The following LNPEP variants were observed in gnomAD, a reference collection of about 807,000 sequenced individuals.
LNPEP encodes the protein leucyl and cystinyl aminopeptidase, also known as leucyl-cystinyl aminopeptidase.
In LNPEP, 64 loss-of-function variants were observed where a neutral mutation model predicts 120.6. The observed-to-expected ratio is 0.53, with a 90% CI of 0.43 to 0.65. LNPEP has a LOEUF of 0.65. Ranked by LOEUF, LNPEP falls within the 30% of genes least tolerant of loss-of-function variation. The pLI, the probability that LNPEP is intolerant of heterozygous loss-of-function variation, is 0.00. For missense variants in LNPEP, 1,057 were observed against 1,200.0 expected, an observed-to-expected ratio of 0.88 and a Z score of 1.76; for synonymous variants, 435 against 425.4, an observed-to-expected ratio of 1.02 and a Z score of -0.28.
chr5:96,979,497 G>A lies in LNPEP; in HGVS notation c.379G>A (p.Val127Met). 6.2e-7 allele frequency: 1 copy of A among 1,614,068 alleles called. No homozygotes were observed. Among genetic ancestry groups the A allele is most frequent in the Non-Finnish European group, 8.5e-7 (1 of 1,179,964 alleles). ...VIVVAVSVIM[V>M]IYLLPRCTFT... Reference sequence around the variant, plus strand: ...CGTGGTTGCTGTTTCTGTAATCATGGTGATTTACTTACTGCCCAGATGTAC... The same window carrying A: ...CGTGGTTGCTGTTTCTGTAATCATGATGATTTACTTACTGCCCAGATGTAC... Residue 127 changes from valine to methionine, a missense_variant, in exon 2 of 18, where the codon GTG becomes ATG. Physicochemically the swap from Val to Met is conservative, Grantham distance 21. Transcript: ENST00000231368.
At chr5:97,017,227 T>G (rs1033297252) in intron 13 of LNPEP, among the ~76,000 whole-genome samples, 4 of 152,140 alleles carry the variant, frequency 2.6e-5, no homozygotes, top group Non-Finnish European at 5.9e-5. Context: ...ATTTTTCTAC[T>G]GATGTGAAGA....
chr5:97,025,167 G>A lies in LNPEP; in HGVS notation c.2723+485G>A, dbSNP rs114729040. On this transcript the variant is annotated intron_variant, in intron 15 of 17. Coordinates refer to ENST00000231368, the MANE Select transcript of LNPEP (RefSeq NM_005575.3). ...TAGGAGTGTCATATGGATGAAGGTAGGGCAGTAAGTAGGGCCTCCTGACAG... is the reference window on the plus strand; with the variant it reads ...TAGGAGTGTCATATGGATGAAGGTAAGGCAGTAAGTAGGGCCTCCTGACAG... 4.7e-3 allele frequency among the ~76,000 whole-genome samples: 712 copies of A among 152,312 alleles called. 9 individuals are homozygous for A. The highest frequency in any genetic ancestry group is 0.016 in the African/African-American group (662 of 41,562).
chr5:96,979,238 G>A lies in LNPEP; in HGVS notation c.120G>A (p.Glu40=), dbSNP rs111742224. Reference sequence around the variant, plus strand: ...AAGAGCCTTGTTTACATCCTCTAGAGCCTGATGAGGTGGAATATGAGCCCC... The same window carrying A: ...AAGAGCCTTGTTTACATCCTCTAGAACCTGATGAGGTGGAATATGAGCCCC... The part of the protein sequence containing the change: ...LAKEPCLHPL[E]PDEVEYEPRG... The change falls in exon 2 of 18, where the codon GAG becomes GAA. Residue 40 remains glutamate (E), a synonymous_variant. Transcript: ENST00000231368. 6.2e-7 allele frequency: 1 copy of A among 1,613,948 alleles called. No individual in the cohort carries two copies. Among genetic ancestry groups the A allele is most frequent in the Non-Finnish European group, 8.5e-7 (1 of 1,179,896 alleles).
chr5:96,965,572 A>G (rs1262928725), intron 1 of LNPEP, among the ~76,000 whole-genome samples: 1 of 152,168 alleles, frequency 6.6e-6, no homozygotes, highest in Admixed American at 6.6e-5. Context: ...TTATAAAACC[A>G]TAATTACAAG....
intron 11 of LNPEP, chr5:97,010,736 A>T (rs1179327535): frequency 1.0e-6 from 1 of 985,214 alleles, no homozygotes; most frequent in Non-Finnish European, 1.2e-6. Context: ...ATAGACTGAA[A>T]ATTGAAGTGT....
Position 97,027,756 on chromosome 5 carries a change from T to C in LNPEP, c.2888T>C (p.Ile963Thr), listed in dbSNP as rs1791381675. ...AGGTTCCCTCTGGGGTCCTATACCA[T>C]ACAAAATATTGTTGCTGGATCAACT... ...VQKFPLGSYT[I>T]QNIVAGSTYL... Residue 963 changes from isoleucine to threonine, a missense_variant, in exon 17 of 18, where the codon ATA becomes ACA. Physicochemically the swap from Ile to Thr is moderately conservative, Grantham distance 89 (BLOSUM62 -1). Transcript: ENST00000231368. The C allele has an allele frequency of 6.2e-7, 1 of 1,608,000 alleles. No homozygotes were observed. The highest frequency in any genetic ancestry group is 1.3e-5 in the African/African-American group (1 of 74,818).
intron 8 of LNPEP, among the ~76,000 whole-genome samples, chr5:96,998,898 A>C (rs193171610): frequency 6.6e-6 from 1 of 152,328 alleles, no homozygotes; most frequent in East Asian, 1.9e-4. Context: ...AGTTGGCTTA[A>C]ATAATTAAAA....
chr5:96,941,953 T>C (rs1789064336), intron 1 of LNPEP, among the ~76,000 whole-genome samples: 2 of 152,102 alleles, frequency 1.3e-5, no homozygotes, highest in Non-Finnish European at 2.9e-5. Context: ...TGAGCTTCAG[T>C]TGGAGAGCAG....
At chr5:97,008,346 T>TTTTTTTTTTTTTTTTTTTTTTTTTTG (rs1790841237) in intron 11 of LNPEP, among the ~76,000 whole-genome samples, 1 of 33,716 alleles carries the variant, frequency 3.0e-5, no homozygotes, top group Non-Finnish European at 6.5e-5. Flanking sequence ...TGTTTTTTTT[T>TTTTTTTTTTTTTTTTTTTTTTTTTTG]TTTTTTTTTT....
chr5:97,023,980 TG>T (rs1791276474), intron 14 of LNPEP, among the ~76,000 whole-genome samples: 1 of 152,082 alleles, frequency 6.6e-6, no homozygotes. Flanking sequence ...GAAAAGCTTT[TG>T]GGGGTAATTA....
At chr5:96,953,404 G>T (rs1223838679) in intron 1 of LNPEP, among the ~76,000 whole-genome samples, 1 of 152,164 alleles carries the variant, frequency 6.6e-6, no homozygotes, top group Non-Finnish European at 1.5e-5. Context: ...TAATAGAGGA[G>T]TTTGATTAGC....
In LNPEP at chr5:96,979,577, A is replaced by G. The variant is rs774502403; in HGVS notation, c.459A>G (p.Pro153=). The change falls in exon 2 of 18, where the codon CCA becomes CCG. Residue 153 remains proline (P), a synonymous_variant. Coordinates refer to ENST00000231368, the MANE Select transcript of LNPEP (RefSeq NM_005575.3). Reference sequence around the variant, plus strand: ...ACCAGTCAATTGGACTAATTCAGCCATTTGCAACAAATGGGAAATTGTTTC... The same window carrying G: ...ACCAGTCAATTGGACTAATTCAGCCGTTTGCAACAAATGGGAAATTGTTTC... The part of the protein sequence containing the change: ...KKNQSIGLIQ[P]FATNGKLFPW... 1 of 1,614,088 alleles carries G rather than the reference A, an allele frequency of 6.2e-7. No individual in the cohort carries two copies.
intron 2 of LNPEP, among the ~76,000 whole-genome samples, chr5:96,984,237 T>C (rs1290028589): frequency 6.6e-6 from 1 of 152,210 alleles, no homozygotes; most frequent in Non-Finnish European, 1.5e-5. Flanking sequence ...CAACTCAAAA[T>C]TACAAAGTTT....
intron 4 of LNPEP, among the ~76,000 whole-genome samples, chr5:96,989,776 A>C (rs1053680153): frequency 5.3e-5 from 8 of 152,200 alleles, no homozygotes; most frequent in African/African-American, 1.9e-4. Flanking sequence ...CAGATTATTT[A>C]TCTCTCGTAA....
intron 1 of LNPEP, among the ~76,000 whole-genome samples, chr5:96,960,372 G>A (rs1045271226): frequency 1.3e-5 from 2 of 152,138 alleles, no homozygotes; most frequent in East Asian, 1.9e-4. Flanking sequence ...CCACTGAAAC[G>A]TAGCTGGAGT....
At chr5:96,970,725 A>G (rs1369904406) in intron 1 of LNPEP, among the ~76,000 whole-genome samples, 1 of 151,988 alleles carries the variant, frequency 6.6e-6, no homozygotes, top group Non-Finnish European at 1.5e-5. Context: ...GATTAATAAT[A>G]TGCATCATTA....
chr5:96,942,811 C>T (rs1789089924), intron 1 of LNPEP: 1 of 152,480 alleles, frequency 6.6e-6, no homozygotes, highest in African/African-American at 2.4e-5. Context: ...CAACATAGCA[C>T]ATGTATACAT....
chr5:96,996,488 C>G lies in LNPEP; in HGVS notation c.1506C>G (p.Phe502Leu), dbSNP rs1790519937. Residue 502 changes from phenylalanine to leucine, a missense_variant, in exon 7 of 18, where the codon TTC (phenylalanine) becomes TTG (leucine). Coordinates refer to ENST00000231368, the MANE Select transcript of LNPEP (RefSeq NM_005575.3). ...AGTATTTCTCTTTGGAAAAAATATT[C>G]AAAGAGCTTTCTAGTGTAAGTACAG... Reference protein sequence around the residue: ...FMEYFSLEKIFKELSSYEDFL... With the variant: ...FMEYFSLEKILKELSSYEDFL... 1.9e-6 allele frequency: 3 copies of G among 1,578,434 alleles called. No homozygotes were observed. Among genetic ancestry groups the G allele is most frequent in the African/African-American group, 1.4e-5 (1 of 74,054 alleles).
intron 1 of LNPEP, 84 bp from the exon 2 acceptor site, chr5:96,979,053 TG>T: frequency 6.9e-7 from 1 of 1,445,436 alleles, no homozygotes; most frequent in Non-Finnish European, 9.3e-7. Context: ...AGTTTAAATG[TG>T]GTCTAGGTAG....
Sources: gnomAD v4.1 joint callset for allele counts (sites outside exome capture counted in the v4.1 genomes callset) on GRCh38, gnomAD v4.1.1 for gene constraint, MANE v1.5 for transcripts, NCBI Gene and HGNC (gene_info 2026-07-23, HGNC 2026-07-21) for gene names.